The following DNAH3 variants were observed in gnomAD, a reference collection of about 807,000 sequenced individuals.
DNAH3 encodes axonemal beta dynein heavy chain 3.
A neutral mutation model predicts 432.5 loss-of-function variants in DNAH3; 332 were observed. That is an observed-to-expected ratio of 0.77 (90% confidence interval 0.70 to 0.84). DNAH3 has a LOEUF of 0.84. Among genes scored for constraint, DNAH3 ranks in the 40% least tolerant of loss-of-function variants. DNAH3 has a pLI of 0.00. For synonymous variants in DNAH3, 1,956 were observed against 1,900.2 expected (o/e 1.03, Z -0.76); for missense variants, 4,861 against 5,114.0 (o/e 0.95, Z 1.51).
At chr16:20,985,764 A>G (rs932735411) in intron 47 of DNAH3, 49 bp from the exon 48 acceptor site, 1 of 1,576,222 alleles carries the variant, frequency 6.3e-7, no homozygotes, top group Non-Finnish European at 8.6e-7. Flanking sequence ...TGGCCCAGCC[A>G]GGCTGGTAGG....
rs762066300 is a variant in DNAH3 at position 20,948,584 on chromosome 16, G to A, written c.11242C>T (p.Leu3748=). Reference sequence around the variant, plus strand: ...CAGTAGAACATGGACAGAAGTGACAGCAGGAGACGCCGGTCTTTGTCATCA... The same window carrying A: ...CAGTAGAACATGGACAGAAGTGACAACAGGAGACGCCGGTCTTTGTCATCA... Residue 3748 remains leucine, a synonymous_variant, in exon 57 of 62, where the codon CTG becomes TTG. Coordinates refer to ENST00000261383, the Ensembl canonical transcript of DNAH3. 1.2e-6 allele frequency: 2 copies of A among 1,614,132 alleles called. 1 individual carries two copies. Among genetic ancestry groups the A allele is most frequent in the South Asian group, 2.2e-5 (2 of 91,076 alleles).
At chr16:21,157,074 A>G (rs2092903063) in intron 1 of DNAH3, among the ~76,000 whole-genome samples, 1 of 152,018 alleles carries the variant, frequency 6.6e-6, no homozygotes, top group African/African-American at 2.4e-5. Context: ...AACAAAGTGC[A>G]TGACGCCAGA....
intron 25 of DNAH3, among the ~76,000 whole-genome samples, chr16:21,061,258 G>A (rs1163128565): frequency 7.2e-6 from 1 of 138,664 alleles, no homozygotes; most frequent in Non-Finnish European, 1.5e-5. Context: ...TTTTGAGACG[G>A]AGTTTCACTC....
intron 54 of DNAH3, among the ~76,000 whole-genome samples, 183 bp downstream of exon 54, chr16:20,958,996 G>A (rs1596954554): frequency 6.6e-6 from 1 of 152,116 alleles, no homozygotes; most frequent in Non-Finnish European, 1.5e-5. Context: ...TCGAACTCCT[G>A]ACCTCAGGTG....
chr16:20,944,725 G>A, intron 57 of DNAH3, 62 bp from the exon 58 acceptor site: 6 of 1,546,630 alleles, frequency 3.9e-6, no homozygotes, highest in Non-Finnish European at 5.3e-6. Context: ...GATGACTCCA[G>A]GCTTAGCAGA....
exon 15 of DNAH3, chr16:21,106,602 G>A: frequency 6.2e-7 from 1 of 1,610,444 alleles, no homozygotes; most frequent in East Asian, 2.2e-5. Flanking sequence ...ATTCAATGAG[G>A]GATACCAGCT....
intron 31 of DNAH3, among the ~76,000 whole-genome samples, chr16:21,048,068 C>G (rs1260991650): frequency 1.3e-5 from 2 of 152,214 alleles, no homozygotes; most frequent in African/African-American, 2.4e-5. Flanking sequence ...GAGAACCACT[C>G]CTCTCTTCAA....
intron 38 of DNAH3, among the ~76,000 whole-genome samples, chr16:21,026,263 T>C (rs917841718): frequency 2.0e-5 from 3 of 152,126 alleles, no homozygotes; most frequent in African/African-American, 7.2e-5. Context: ...CCACCAGTAG[T>C]GTGGACTGAG....
intron 29 of DNAH3, among the ~76,000 whole-genome samples, 165 bp from the exon 30 acceptor site, chr16:21,050,183 C>A (rs945370089): frequency 6.6e-6 from 1 of 152,168 alleles, no homozygotes; most frequent in African/African-American, 2.4e-5. Context: ...TTTGCACCAA[C>A]CAAATAGTTA....
chr16:21,088,991 A>G (rs12926730), intron 18 of DNAH3, among the ~76,000 whole-genome samples: 1 of 152,232 alleles, frequency 6.6e-6, no homozygotes, highest in African/African-American at 2.4e-5. Context: ...ATGTGTCTCT[A>G]CTGGAAATTA....
Position 21,140,720 on chromosome 16 carries a change from A to C in DNAH3, c.522-10T>G, listed in dbSNP as rs1261007664. ...GAAGGCCAACTTGATCCTGAAAAGT[A>C]GACACAGCTCAGCCCTTGGTGTTTG... On this transcript the variant is annotated splice_polypyrimidine_tract_variant and intron_variant, in intron 4 of 61. Coordinates refer to ENST00000261383, the Ensembl canonical transcript of DNAH3. 1 of 1,613,736 alleles carries C rather than the reference A, an allele frequency of 6.2e-7. No homozygotes were observed. The highest frequency in any genetic ancestry group is 2.2e-5 in the East Asian group (1 of 44,866).
Position 21,128,038 on chromosome 16 carries a change from A to G in DNAH3, c.1083-226T>C, listed in dbSNP as rs1302053686. Among the ~76,000 whole-genome samples, 8 of 152,170 alleles carry G rather than the reference A, an allele frequency of 5.3e-5. No individual in the cohort carries two copies. The East Asian group carries it at 1.4e-3, about 26-fold the overall frequency. ...GAGGAGACAAATGAGGTGACCCAAG[A>G]GTGCTCCTGAGCCTTAGAGATATGC... On this transcript the variant is annotated intron_variant, in intron 7 of 61. Transcript: ENST00000261383.
chr16:21,027,591 G>C (rs1234363683), intron 37 of DNAH3, among the ~76,000 whole-genome samples: 1 of 152,182 alleles, frequency 6.6e-6, no homozygotes, highest in East Asian at 1.9e-4. Context: ...TGTAATCCCA[G>C]CACTTTGGGA....
intron 34 of DNAH3, among the ~76,000 whole-genome samples, chr16:21,037,498 T>C (rs2089229727): frequency 1.3e-5 from 2 of 152,128 alleles, no homozygotes; most frequent in Admixed American, 1.3e-4. Context: ...AAAAGGAAAC[T>C]AATTAAACTG....
chr16:21,076,593 TC>T (rs1258382173), intron 20 of DNAH3, among the ~76,000 whole-genome samples: 1 of 152,142 alleles, frequency 6.6e-6, no homozygotes, highest in African/African-American at 2.4e-5. Flanking sequence ...AGGAGATAGA[TC>T]CCAGAACAGG....
intron 14 of DNAH3, among the ~76,000 whole-genome samples, chr16:21,106,926 C>T (rs1021437307): frequency 1.3e-5 from 2 of 152,068 alleles, no homozygotes; most frequent in Non-Finnish European, 2.9e-5. Flanking sequence ...TGAAGTAGCA[C>T]ACCCCATTCT....
At chr16:21,052,437 T>G (rs9928198) in intron 28 of DNAH3, among the ~76,000 whole-genome samples, 1 of 152,218 alleles carries the variant, frequency 6.6e-6, no homozygotes, top group Non-Finnish European at 1.5e-5. Context: ...GCAGAGGTAT[T>G]AAAAGGTGCG....
intron 41 of DNAH3, among the ~76,000 whole-genome samples, chr16:21,010,012 A>G (rs533658981): frequency 3.3e-5 from 5 of 152,254 alleles, no homozygotes; most frequent in Admixed American, 3.3e-4. Context: ...AAGTAGATTT[A>G]CCAGCAGTGT....
chr16:21,034,011 A>G (rs771816837), exon 36 of DNAH3: 3 of 1,613,836 alleles, frequency 1.9e-6, no homozygotes, highest in East Asian at 4.5e-5. Flanking sequence ...CCAACACTTT[A>G]TAAGCAGAGG....
Sources: allele counts gnomAD v4.1 joint callset (sites outside exome capture counted in the v4.1 genomes callset), GRCh38; gene constraint gnomAD v4.1.1; transcripts MANE v1.5; gene names NCBI Gene and HGNC (gene_info 2026-07-23, HGNC 2026-07-21).